Variants in RYR2 observed in about 807,000 individuals in gnomAD.
RYR2 encodes ryanodine receptor 2.
RYR2 carries 227 observed loss-of-function variants against 601.1 expected under a neutral mutation model. That is an observed-to-expected ratio of 0.38 (90% CI 0.34 to 0.42). The LOEUF is 0.42. Among genes scored for constraint, RYR2 ranks in the 10% least tolerant of loss-of-function variants. RYR2 has a pLI of 1.00. For missense variants in RYR2, 4,646 were observed against 6,156.5 expected (o/e 0.75, Z 8.21); for synonymous variants, 2,223 against 2,175.1 (o/e 1.02, Z -0.61).
intron 5 of RYR2, among the ~76,000 whole-genome samples, chr1:237,367,572 T>A (rs28535193): frequency 6.6e-6 from 1 of 151,982 alleles, no homozygotes; most frequent in African/African-American, 2.4e-5. Flanking sequence ...TATTAAAGCA[T>A]CTTTCTGTAC....
intron 51 of RYR2, 120 bp from the exon 52 acceptor site, chr1:237,654,154 G>T (rs1391362791): frequency 1.7e-6 from 2 of 1,173,176 alleles, no homozygotes; most frequent in African/African-American, 3.1e-5. Flanking sequence ...ATATGGGATT[G>T]GGCAATTTCA....
intron 1 of RYR2, among the ~76,000 whole-genome samples, chr1:237,199,042 T>C (rs1044543254): frequency 2.6e-5 from 4 of 152,164 alleles, no homozygotes; most frequent in Non-Finnish European, 5.9e-5. Flanking sequence ...ATTTGATAAA[T>C]GCAAACTTCA....
chr1:237,346,127 A>ATCT (rs1698285285), intron 3 of RYR2, among the ~76,000 whole-genome samples: 2 of 152,178 alleles, frequency 1.3e-5, no homozygotes, highest in African/African-American at 4.8e-5. Context: ...GTACTTTGGG[A>ATCT]GGCTGAGGTG....
intron 80 of RYR2, among the ~76,000 whole-genome samples, chr1:237,746,262 T>C (rs1450053991): frequency 1.3e-5 from 2 of 152,184 alleles, no homozygotes; most frequent in Non-Finnish European, 2.9e-5. Context: ...ATAATTCTTA[T>C]AACACATTAT....
intron 16 of RYR2, among the ~76,000 whole-genome samples, chr1:237,457,003 A>G (rs1658914928): frequency 1.3e-5 from 2 of 152,168 alleles, no homozygotes; most frequent in South Asian, 4.1e-4. Context: ...TTGAGACTTA[A>G]TTTTTAATTT....
chr1:237,323,182 T>C (rs1695800000), intron 2 of RYR2, among the ~76,000 whole-genome samples: 1 of 152,124 alleles, frequency 6.6e-6, no homozygotes, highest in African/African-American at 2.4e-5. Flanking sequence ...ATTTTTTTTA[T>C]CATGAATAAA....
chr1:237,262,252 T>TTTTTTTTTTTG (rs1688609128), intron 1 of RYR2, among the ~76,000 whole-genome samples: 2 of 104,188 alleles, frequency 1.9e-5, no homozygotes, highest in Non-Finnish European at 3.6e-5. Flanking sequence ...AGAGTTTTTT[T>TTTTTTTTTTTG]TTTTTTTTTT....
At position 237,801,848 on chromosome 1, in the gene RYR2, C is replaced by A. The variant is rs765026287; in HGVS notation, c.14091-8C>A. The A allele has an allele frequency of 2.0e-6, 3 of 1,499,718 alleles. No homozygotes were observed. The highest frequency in any genetic ancestry group is 1.5e-5 in the African/African-American group (1 of 68,900). 92.9% of individuals were successfully genotyped at this position (1,499,718 alleles called of 1,614,324 possible). ...ATAACTACGCATTTTTTTTTTTTGT[C>A]ATTGCAGACTGAACTCCATTGATGT... On this transcript the variant is annotated splice_polypyrimidine_tract_variant and splice_region_variant and intron_variant, in intron 97 of 104. Coordinates refer to ENST00000366574, the MANE Select transcript of RYR2 (RefSeq NM_001035.3).
At chr1:237,692,781 C>A (rs1189124090) in intron 63 of RYR2, among the ~76,000 whole-genome samples, 1 of 152,168 alleles carries the variant, frequency 6.6e-6, no homozygotes, top group Admixed American at 6.5e-5. Context: ...AAAGGCTTCC[C>A]TGACCTCCTT....
intron 1 of RYR2, among the ~76,000 whole-genome samples, chr1:237,199,133 A>G (rs1300780271): frequency 1.3e-5 from 2 of 152,218 alleles, no homozygotes; most frequent in African/African-American, 4.8e-5. Flanking sequence ...AAATTTTGCT[A>G]TCAGGATAGA....
intron 1 of RYR2, among the ~76,000 whole-genome samples, chr1:237,269,374 A>G (rs1689456254): frequency 6.8e-6 from 1 of 146,568 alleles, no homozygotes; most frequent in South Asian, 2.2e-4. Context: ...AGCTAAAAAT[A>G]AAAAAAAAAA....
intron 66 of RYR2, among the ~76,000 whole-genome samples, chr1:237,702,751 A>G (rs1259385915): frequency 2.6e-5 from 4 of 152,122 alleles, no homozygotes; most frequent in African/African-American, 9.6e-5. Flanking sequence ...GAATAAACCC[A>G]TGAGACTAGC....
At chr1:237,606,598 C>T (rs1176483419) in intron 35 of RYR2, among the ~76,000 whole-genome samples, 6 of 152,160 alleles carry the variant, frequency 3.9e-5, no homozygotes, top group East Asian at 3.9e-4. Context: ...AGCTTCTGCA[C>T]AGCAAAAGAA....
intron 28 of RYR2, among the ~76,000 whole-genome samples, chr1:237,567,415 CAAA>C (rs3057438): frequency 2.7e-5 from 3 of 111,988 alleles, no homozygotes; most frequent in Non-Finnish European, 5.2e-5. Context: ...CCTGTCTCTA[CAAA>C]AAAAAAAAAA....
chr1:237,604,927 TTAATAGCC>T (rs1573066818), intron 35 of RYR2, among the ~76,000 whole-genome samples: 1 of 152,108 alleles, frequency 6.6e-6, no homozygotes, highest in Non-Finnish European at 1.5e-5. Flanking sequence ...GAGGCAATAA[TTAATAGCC>T]TACCAACCAA....
intron 1 of RYR2, among the ~76,000 whole-genome samples, chr1:237,056,741 C>A (rs111849343): frequency 0.044 from 6,625 of 150,554 alleles, 174 homozygotes; most frequent in African/African-American, 0.087. Flanking sequence ...AGCATTGCAT[C>A]TGTGAGGACT....
intron 1 of RYR2, among the ~76,000 whole-genome samples, chr1:237,242,695 G>A (rs1277885469): frequency 6.6e-6 from 1 of 152,118 alleles, no homozygotes; most frequent in Non-Finnish European, 1.5e-5. Context: ...CTTCAGCACA[G>A]GTCCCTCTGA....
chr1:237,562,609 T>G (rs1251150389), intron 27 of RYR2, among the ~76,000 whole-genome samples: 3 of 152,206 alleles, frequency 2.0e-5, no homozygotes, highest in Non-Finnish European at 4.4e-5. Context: ...TTGTTTCTGC[T>G]TTGAATACCA....
intron 5 of RYR2, among the ~76,000 whole-genome samples, chr1:237,365,578 C>A (rs1372095710): frequency 6.6e-6 from 1 of 152,202 alleles, no homozygotes; most frequent in Non-Finnish European, 1.5e-5. Context: ...TTAGACGTAT[C>A]ATGAAACAAG....
Sources: gnomAD v4.1 joint callset for allele counts (sites outside exome capture counted in the v4.1 genomes callset) on GRCh38, gnomAD v4.1.1 for gene constraint, MANE v1.5 for transcripts, NCBI Gene and HGNC (gene_info 2026-07-23, HGNC 2026-07-21) for gene names.